ACSS1: variants seen among roughly 807,000 people sequenced by gnomAD.
ACSS1 encodes acyl-CoA synthetase short chain family member 1, also known as acetyl-coenzyme A synthetase 2-like, mitochondrial.
A neutral mutation model predicts 75.3 loss-of-function variants in ACSS1; 42 were observed. That is an observed-to-expected ratio of 0.56 (90% CI 0.44 to 0.72). ACSS1 has a LOEUF of 0.72. ACSS1 is among the 30% of genes least tolerant of loss of function. The pLI is 0.00. For synonymous variants in ACSS1, 380 were observed against 376.8 expected (o/e 1.01, Z -0.10); for missense variants, 782 against 935.7 (o/e 0.84, Z 2.14).
chr20:25,007,636 G>T lies in ACSS1; in HGVS notation c.*126C>A. On this transcript the variant is annotated 3_prime_UTR_variant, in exon 14 of 14. Coordinates refer to ENST00000323482, the MANE Select transcript of ACSS1 (RefSeq NM_032501.4). ...GCCCAGCTTCACGTGAGGGCGGTGTGGGTCATGTGTGGGGTGGGGGCTGCT... is the reference window on the plus strand; with the variant it reads ...GCCCAGCTTCACGTGAGGGCGGTGTTGGTCATGTGTGGGGTGGGGGCTGCT... 1 of 1,515,936 alleles carries T rather than the reference G, an allele frequency of 6.6e-7. No homozygotes were observed. The highest frequency in any genetic ancestry group is 1.3e-5 in the South Asian group (1 of 76,092). 93.9% of individuals were successfully genotyped at this position (1,515,936 alleles called of 1,614,324 possible). A position where few individuals can be genotyped will look rare whatever the true frequency, so the allele number is the denominator to read the frequency against.
intron 3 of ACSS1, among the ~76,000 whole-genome samples, chr20:25,026,375 C>G (rs1424634653): frequency 1.3e-5 from 2 of 152,218 alleles, no homozygotes; most frequent in Non-Finnish European, 2.9e-5. Context: ...CCTGTGCCAG[C>G]CTGGACTGTA....
intron 1 of ACSS1, among the ~76,000 whole-genome samples, chr20:25,048,706 G>T (rs959898784): frequency 6.6e-6 from 1 of 152,244 alleles, no homozygotes; most frequent in South Asian, 2.1e-4. Context: ...TGTTCCACGA[G>T]CACCCAGTAA....
intron 2 of ACSS1, chr20:25,032,469 C>A: frequency 1.5e-6 from 2 of 1,324,124 alleles, no homozygotes; most frequent in Non-Finnish European, 1.9e-6. Flanking sequence ...ATTGCATTAA[C>A]CACTTTCCCA....
At chr20:25,040,477 GC>G (rs2088982562) in intron 2 of ACSS1, among the ~76,000 whole-genome samples, 1 of 152,228 alleles carries the variant, frequency 6.6e-6, no homozygotes, top group Admixed American at 6.5e-5. Flanking sequence ...CCTGCCTCGG[GC>G]CCAGCGACTT....
At chr20:25,041,606 A>T (rs981443420) in intron 2 of ACSS1, among the ~76,000 whole-genome samples, 2 of 152,186 alleles carry the variant, frequency 1.3e-5, no homozygotes, top group African/African-American at 4.8e-5. Flanking sequence ...CCTTCCACAA[A>T]AGTGGCCCCA....
chr20:25,007,204 C>T lies in ACSS1; in HGVS notation c.*558G>A. ...CACTAACAATAATTAAAAATGTGGC[C>T]TCTGATCCTCATGTTTCCTCACCAG... is the stretch of plus-strand genomic sequence containing the variant. On this transcript the variant is annotated 3_prime_UTR_variant, in exon 14 of 14. Coordinates refer to ENST00000323482, the MANE Select transcript of ACSS1 (RefSeq NM_032501.4). 1 of 1,220,234 alleles carries T rather than the reference C, an allele frequency of 8.2e-7. No individual in the cohort carries two copies. The highest frequency in any genetic ancestry group is 1.0e-6 in the Non-Finnish European group (1 of 975,722). 75.6% of individuals were successfully genotyped at this position (1,220,234 alleles called of 1,614,324 possible). A position where few individuals can be genotyped will look rare whatever the true frequency, so the allele number is the denominator to read the frequency against.
chr20:25,037,031 A>AGG (rs10667081), intron 2 of ACSS1, among the ~76,000 whole-genome samples: 10 of 150,970 alleles, frequency 6.6e-5, no homozygotes, highest in East Asian at 5.8e-4. Flanking sequence ...GAAGGAAGGA[A>AGG]AGAAAGAAAG....
chr20:25,023,136 C>T, intron 4 of ACSS1, 44 bp from the exon 5 acceptor site: 2 of 1,586,122 alleles, frequency 1.3e-6, no homozygotes, highest in East Asian at 2.2e-5. Context: ...GGCACTCAGC[C>T]TCTCTGAGAG....
Position 25,006,651 on chromosome 20 carries a change from AGCCCCT to A in ACSS1, c.*1105_*1110del. On this transcript the variant is annotated 3_prime_UTR_variant, in exon 14 of 14. Transcript: ENST00000323482. ...GGGCCTCCTTCCCCTGCCAACCGCCAGCCCCTGCATGCCTAGCAGGGAGGTAAGCAC... is the reference window on the plus strand; with the variant it reads ...GGGCCTCCTTCCCCTGCCAACCGCCAGCATGCCTAGCAGGGAGGTAAGCAC... 1.5e-6 allele frequency: 1 copy of A among 684,934 alleles called. No homozygotes were observed. The highest frequency in any genetic ancestry group is 2.3e-6 in the Non-Finnish European group (1 of 431,804). 42.4% of individuals were successfully genotyped at this position (684,934 alleles called of 1,614,324 possible).
intron 1 of ACSS1, among the ~76,000 whole-genome samples, chr20:25,053,576 A>G (rs2089205287): frequency 6.6e-6 from 1 of 152,160 alleles, no homozygotes. Context: ...GAAAAACCTT[A>G]GAAAAGTTAC....
intron 3 of ACSS1, among the ~76,000 whole-genome samples, chr20:25,030,059 G>A (rs2088795540): frequency 6.6e-6 from 1 of 152,156 alleles, no homozygotes; most frequent in Admixed American, 6.5e-5. Flanking sequence ...TTTATACAGA[G>A]GGAGGTCAAC....
chr20:25,056,448 T>A (rs905046289), intron 1 of ACSS1, among the ~76,000 whole-genome samples: 20 of 152,144 alleles, frequency 1.3e-4, no homozygotes, highest in African/African-American at 4.8e-4. Flanking sequence ...AATATACAAT[T>A]TCGGGGAGTG....
intron 12 of ACSS1, chr20:25,009,630 C>T: frequency 2.0e-6 from 1 of 510,704 alleles, no homozygotes. Context: ...TGGCTGAGAG[C>T]TTGGCATCTC....
chr20:25,034,611 C>A (rs547674775), intron 2 of ACSS1, among the ~76,000 whole-genome samples: 59 of 152,146 alleles, frequency 3.9e-4, no homozygotes, highest in African/African-American at 1.2e-3. Context: ...TCTTGTTGCC[C>A]AGGCTGGAGT....
intron 2 of ACSS1, among the ~76,000 whole-genome samples, chr20:25,047,231 G>A (rs2083874790): frequency 6.6e-6 from 1 of 152,196 alleles, no homozygotes; most frequent in Admixed American, 6.5e-5. Context: ...GGACCTGCCT[G>A]TCGGAATGCT....
At chr20:25,057,377 G>A (rs2089257257) in intron 1 of ACSS1, among the ~76,000 whole-genome samples, 1 of 152,222 alleles carries the variant, frequency 6.6e-6, no homozygotes, top group African/African-American at 2.4e-5. Flanking sequence ...TATGGGAACG[G>A]GAAAGTCCCG....
At chr20:25,049,186 G>T (rs2089143083) in intron 1 of ACSS1, among the ~76,000 whole-genome samples, 1 of 152,164 alleles carries the variant, frequency 6.6e-6, no homozygotes, top group Non-Finnish European at 1.5e-5. Flanking sequence ...AAAAATAAAA[G>T]AGAAGACATG....
intron 2 of ACSS1, among the ~76,000 whole-genome samples, chr20:25,036,423 G>A (rs1299821186): frequency 6.6e-6 from 1 of 152,046 alleles, no homozygotes; most frequent in East Asian, 1.9e-4. Context: ...CGGTACAACT[G>A]CACCCCTGCC....
chr20:25,028,688 G>A (rs1056366200), intron 3 of ACSS1, among the ~76,000 whole-genome samples: 2 of 152,218 alleles, frequency 1.3e-5, no homozygotes, highest in South Asian at 2.1e-4. Context: ...CAGGGAGGCC[G>A]AGGCGGGCGG....
Sources: allele counts gnomAD v4.1 joint callset (sites outside exome capture counted in the v4.1 genomes callset), GRCh38; gene constraint gnomAD v4.1.1; transcripts MANE v1.5; gene names NCBI Gene and HGNC (gene_info 2026-07-23, HGNC 2026-07-21).